The following RARB variants were observed in gnomAD, a reference collection of about 807,000 sequenced individuals.
RARB encodes the protein retinoic acid receptor beta, also known as HBV-activated protein.
In RARB, 17 loss-of-function variants were observed where a neutral mutation model predicts 51.9. The ratio of observed to expected loss-of-function variants is 0.33; its 90% confidence interval spans 0.22 to 0.49. The LOEUF (loss-of-function observed/expected upper bound fraction) is 0.49. Among genes scored for constraint, RARB ranks in the 20% least tolerant of loss-of-function variants. The pLI, the probability that RARB is intolerant of heterozygous loss-of-function variation, is 0.99. For synonymous variants in RARB, 215 were observed against 195.4 expected (o/e 1.10, Z -0.84); for missense variants, 369 against 550.8 (o/e 0.67, Z 3.30).
intron 2 of RARB, among the ~76,000 whole-genome samples, chr3:24,869,831 TA>T (rs2125348306): frequency 6.6e-6 from 1 of 152,258 alleles, no homozygotes; most frequent in East Asian, 1.9e-4. Flanking sequence ...TTCCCTGGTT[TA>T]TCATTCTGCT....
At chr3:25,415,279 A>G (rs1575383951) in intron 5 of RARB, among the ~76,000 whole-genome samples, 2 of 152,274 alleles carry the variant, frequency 1.3e-5, no homozygotes, top group South Asian at 2.1e-4. Context: ...GCCTGATGCA[A>G]GATCACAAAA....
Position 25,398,243 on chromosome 3 carries a change from T to C in RARB, c.179-62950T>C, listed in dbSNP as rs184494444. Among the ~76,000 whole-genome samples, 6 of 152,236 alleles carry C rather than the reference T, an allele frequency of 3.9e-5. No homozygotes were observed. The East Asian group carries it at 1.2e-3, about 29-fold the overall frequency. On this transcript the variant is annotated intron_variant, in intron 5 of 11. Coordinates refer to the RARB transcript ENST00000383772. ...AAAAATGAGACAGGCTCCTGAACTC[T>C]AGGCCACGGTTTCAAGGCTGGTCCA... is the stretch of plus-strand genomic sequence containing the variant.
At chr3:25,503,485 T>A (rs1331819546) in intron 3 of RARB, among the ~76,000 whole-genome samples, 2 of 152,204 alleles carry the variant, frequency 1.3e-5, no homozygotes, top group Admixed American at 1.3e-4. Context: ...CATATCCTGC[T>A]GCTCTGTAAA....
At chr3:25,039,372 G>A (rs1042836034) in intron 2 of RARB, among the ~76,000 whole-genome samples, 2 of 152,162 alleles carry the variant, frequency 1.3e-5, no homozygotes, top group African/African-American at 4.8e-5. Context: ...TAATTCTGAT[G>A]GTGAAAAATG....
At chr3:25,439,153 G>A (rs6800566) in intron 1 of RARB, among the ~76,000 whole-genome samples, 40,840 of 152,128 alleles carry the variant, frequency 0.27, 6,021 homozygotes, top group Middle Eastern at 0.4. Context: ...GCTAGAGAGT[G>A]TCTCTTCATT....
chr3:25,072,495 C>A (rs1447947258), intron 3 of RARB, among the ~76,000 whole-genome samples: 1 of 151,982 alleles, frequency 6.6e-6, no homozygotes, highest in Non-Finnish European at 1.5e-5. Context: ...TTTGGGGGAG[C>A]ACAAATGAAC....
At chr3:25,497,238 A>ATT (rs1697085839) in intron 2 of RARB, among the ~76,000 whole-genome samples, 1 of 151,902 alleles carries the variant, frequency 6.6e-6, no homozygotes, top group Admixed American at 6.6e-5. Flanking sequence ...GTATTGAAAC[A>ATT]TTCCAACTTC....
At chr3:25,416,551 G>GT (rs1707709545) in intron 5 of RARB, among the ~76,000 whole-genome samples, 1 of 152,180 alleles carries the variant, frequency 6.6e-6, no homozygotes, top group Non-Finnish European at 1.5e-5. Flanking sequence ...CAGTCAGCAA[G>GT]TTTTTTTCTC....
At chr3:25,033,258 G>A (rs1697911765) in intron 2 of RARB, among the ~76,000 whole-genome samples, 1 of 152,176 alleles carries the variant, frequency 6.6e-6, no homozygotes, top group Admixed American at 6.5e-5. Context: ...AAACTTACAA[G>A]CAAGTGGAGC....
At chr3:25,115,068 T>G (rs1231026535) in intron 3 of RARB, among the ~76,000 whole-genome samples, 6 of 152,190 alleles carry the variant, frequency 3.9e-5, no homozygotes, top group African/African-American at 1.4e-4. Flanking sequence ...ATTCCTTTTC[T>G]GTACAACTTC....
At chr3:25,006,860 CT>C (rs1402661898) in intron 2 of RARB, among the ~76,000 whole-genome samples, 1 of 152,054 alleles carries the variant, frequency 6.6e-6, no homozygotes, top group Non-Finnish European at 1.5e-5. Flanking sequence ...CTAAATAGAA[CT>C]TTTTTTAACA....
intron 1 of RARB, among the ~76,000 whole-genome samples, chr3:25,438,243 T>C (rs1449054939): frequency 6.6e-6 from 1 of 152,124 alleles, no homozygotes. Flanking sequence ...CAGCAGAGGC[T>C]CCCAGTCCTC....
At chr3:25,362,127 G>A (rs1275634412) in intron 5 of RARB, among the ~76,000 whole-genome samples, 1 of 152,144 alleles carries the variant, frequency 6.6e-6, no homozygotes, top group Non-Finnish European at 1.5e-5. Context: ...TAGAGAGATG[G>A]GAGTTTTATC....
chr3:24,865,584 C>T (rs185393881), intron 2 of RARB, among the ~76,000 whole-genome samples: 2 of 152,032 alleles, frequency 1.3e-5, no homozygotes, highest in Non-Finnish European at 2.9e-5. Flanking sequence ...CTCACGTAGC[C>T]CTCTTCCACC....
At chr3:25,058,803 T>G (rs1307263842) in intron 2 of RARB, among the ~76,000 whole-genome samples, 4 of 151,794 alleles carry the variant, frequency 2.6e-5, no homozygotes, top group African/African-American at 9.7e-5. Context: ...ATTAAAATGA[T>G]TGGTTCTATA....
chr3:24,836,547 TC>T (rs1173081588), intron 1 of RARB, among the ~76,000 whole-genome samples: 1 of 152,190 alleles, frequency 6.6e-6, no homozygotes, highest in Non-Finnish European at 1.5e-5. Flanking sequence ...TGTGTCAGCA[TC>T]CTCCAAATGG....
At chr3:25,585,650 G>A (rs1701354466) in intron 5 of RARB, among the ~76,000 whole-genome samples, 1 of 152,218 alleles carries the variant, frequency 6.6e-6, no homozygotes, top group Non-Finnish European at 1.5e-5. Flanking sequence ...GGTGCAACCA[G>A]GCCACTCAGC....
At chr3:25,349,660 CA>C (rs1469539834) in intron 5 of RARB, among the ~76,000 whole-genome samples, 8 of 151,984 alleles carry the variant, frequency 5.3e-5, no homozygotes, top group African/African-American at 1.7e-4. Context: ...AAATTCTAAA[CA>C]AACAAAAAAA....
chr3:25,444,990 C>T (rs911589988), intron 1 of RARB, among the ~76,000 whole-genome samples: 2 of 152,024 alleles, frequency 1.3e-5, no homozygotes, highest in Non-Finnish European at 2.9e-5. Context: ...TGCTCTGTCG[C>T]CCAGGCTGGA....
Sources: allele counts gnomAD v4.1 joint callset (sites outside exome capture counted in the v4.1 genomes callset), GRCh38; gene constraint gnomAD v4.1.1; transcripts MANE v1.5; gene names NCBI Gene and HGNC (gene_info 2026-07-23, HGNC 2026-07-21).